The following FAM89A variants were observed in gnomAD, a reference collection of about 807,000 sequenced individuals.
FAM89A encodes the protein protein FAM89A.
A neutral mutation model predicts 7.1 loss-of-function variants in FAM89A; 10 were observed. The ratio of observed to expected loss-of-function variants is 1.40; its 90% CI spans 0.86 to 2.38. The LOEUF is 2.38. Ranked by LOEUF, FAM89A falls within the 30% of genes most tolerant of loss-of-function variation. FAM89A has a pLI of 0.00. For synonymous variants in FAM89A, 157 were observed against 129.3 expected (o/e 1.21, Z -1.45); for missense variants, 276 against 262.8 (o/e 1.05, Z -0.35).
At chr1:231,027,386 A>C (rs1679992254) in intron 1 of FAM89A, among the ~76,000 whole-genome samples, 1 of 152,214 alleles carries the variant, frequency 6.6e-6, no homozygotes, top group East Asian at 1.9e-4. Context: ...CCCCGCACAC[A>C]CCTATTACAC....
chr1:231,020,031 G>C lies in FAM89A; in HGVS notation c.387C>G (p.Ser129=). ...CCAGAGCGTAAGTGCAGTCTGGGCTGGAGGCTGCCTGGCATGCCCCCTTGT... is the reference window on the plus strand; with the variant it reads ...CCAGAGCGTAAGTGCAGTCTGGGCTCGAGGCTGCCTGGCATGCCCCCTTGT... ...QEYKGACQAA[S]SPDCTYALEN... Residue 129 remains serine, a synonymous_variant, in exon 2 of 2, where the codon TCC becomes TCG. Coordinates refer to ENST00000366654, the MANE Select transcript of FAM89A (RefSeq NM_198552.3). 3.1e-6 allele frequency: 5 copies of C among 1,614,140 alleles called. No homozygotes were observed. Among genetic ancestry groups the C allele is most frequent in the Non-Finnish European group, 4.2e-6 (5 of 1,180,036 alleles).
chr1:231,027,179 T>A lies in FAM89A; in HGVS notation c.292-7053A>T, dbSNP rs545431629. Among the ~76,000 whole-genome samples the A allele has an allele frequency of 4.6e-5, 7 of 152,140 alleles. No homozygotes were observed. In the East Asian group the frequency reaches 1.4e-3, roughly 30 times the overall value. ...TCCAGCCAGACACGTGGCTCCAGGC[T>A]TTTCTCCTGACAGTGCCATTTCCAA... On this transcript the variant is annotated intron_variant, in intron 1 of 1. Coordinates refer to ENST00000366654, the MANE Select transcript of FAM89A (RefSeq NM_198552.3).
At chr1:231,023,540 G>A (rs1232976560) in intron 1 of FAM89A, among the ~76,000 whole-genome samples, 1 of 152,216 alleles carries the variant, frequency 6.6e-6, no homozygotes, top group Non-Finnish European at 1.5e-5. Flanking sequence ...GGCCACTTCT[G>A]GCTTTGTTAG....
At position 231,022,459 on chromosome 1, in the gene FAM89A, T is replaced by C. The variant is rs753622802; in HGVS notation, c.292-2333A>G. Among the ~76,000 whole-genome samples, 3 of 152,270 alleles carry C rather than the reference T, an allele frequency of 2.0e-5. No homozygotes were observed. In the South Asian group the frequency reaches 6.2e-4, roughly 32 times the overall value. ...ACTGGGAATCGTGGTTCCAGTCTGGTTGCAGAACCTGCACATTTGCCAAGA... is the reference window on the plus strand; with the variant it reads ...ACTGGGAATCGTGGTTCCAGTCTGGCTGCAGAACCTGCACATTTGCCAAGA... On this transcript the variant is annotated intron_variant, in intron 1 of 1. Coordinates refer to ENST00000366654, the MANE Select transcript of FAM89A (RefSeq NM_198552.3).
intron 1 of FAM89A, among the ~76,000 whole-genome samples, chr1:231,032,073 C>T (rs964311190): frequency 4.6e-5 from 7 of 152,288 alleles, no homozygotes; most frequent in Admixed American, 3.9e-4. Context: ...TCAATTTGGA[C>T]TACTTTTCAT....
intron 1 of FAM89A, among the ~76,000 whole-genome samples, chr1:231,036,253 C>T (rs1347219942): frequency 6.6e-6 from 1 of 152,136 alleles, no homozygotes; most frequent in African/African-American, 2.4e-5. Context: ...CTAGTCTAAA[C>T]TAAAGCAATT....
chr1:231,027,683 C>T (rs1307118100), intron 1 of FAM89A, among the ~76,000 whole-genome samples: 1 of 152,208 alleles, frequency 6.6e-6, no homozygotes, highest in African/African-American at 2.4e-5. Flanking sequence ...GTGGAAGATC[C>T]GTAGGCAGCA....
intron 1 of FAM89A, among the ~76,000 whole-genome samples, chr1:231,036,784 G>A (rs1680162590): frequency 6.6e-6 from 1 of 152,080 alleles, no homozygotes; most frequent in African/African-American, 2.4e-5. Flanking sequence ...CTCTCTTCCA[G>A]CTTCCAGCTC....
intron 1 of FAM89A, among the ~76,000 whole-genome samples, 180 bp downstream of exon 1, chr1:231,039,741 T>G (rs1680224000): frequency 6.6e-6 from 1 of 151,900 alleles, no homozygotes; most frequent in African/African-American, 2.4e-5. Context: ...GTTCCAATCG[T>G]GGGCACGGAG....
chr1:231,033,808 C>T (rs1680113975), intron 1 of FAM89A, among the ~76,000 whole-genome samples: 1 of 152,058 alleles, frequency 6.6e-6, no homozygotes, highest in Non-Finnish European at 1.5e-5. Context: ...TACTTTTAAT[C>T]CTTTATATCT....
At chr1:231,033,204 G>A (rs1045966703) in intron 1 of FAM89A, among the ~76,000 whole-genome samples, 6 of 152,194 alleles carry the variant, frequency 3.9e-5, no homozygotes, top group African/African-American at 1.4e-4. Context: ...AAAGGCCAAG[G>A]CGGCCAGGAG....
chr1:231,038,407 C>T (rs975615823), intron 1 of FAM89A, among the ~76,000 whole-genome samples: 4 of 152,146 alleles, frequency 2.6e-5, no homozygotes, highest in Non-Finnish European at 4.4e-5. Context: ...ACAACAGGAG[C>T]GGCCCCGAGG....
intron 1 of FAM89A, among the ~76,000 whole-genome samples, chr1:231,023,638 T>G (rs1470218108): frequency 1.3e-5 from 2 of 152,244 alleles, no homozygotes; most frequent in Non-Finnish European, 2.9e-5. Context: ...GTGTCCCTCC[T>G]CTATGTGAAA....
Position 231,023,352 on chromosome 1 carries a change from T to TTCGC in FAM89A, c.292-3230_292-3227dup, listed in dbSNP as rs879022662. 1.3e-4 allele frequency among the ~76,000 whole-genome samples: 20 copies of TTCGC among 152,296 alleles called. No homozygotes were observed. In the South Asian group the frequency reaches 3.1e-3, roughly 24 times the overall value. On this transcript the variant is annotated intron_variant, in intron 1 of 1. Transcript: ENST00000366654. ...TCCACAGGTAGGTGGGAGCCTCAGG[T>TTCGC]TCGCTCAGGGGCAGCAAAGTGGCCC...
At chr1:231,037,514 T>TC (rs942670594) in intron 1 of FAM89A, among the ~76,000 whole-genome samples, 16 of 152,164 alleles carry the variant, frequency 1.1e-4, no homozygotes, top group African/African-American at 3.9e-4. Flanking sequence ...TGCTGGGGAC[T>TC]CCATCACCTC....
At chr1:231,021,788 G>C (rs1345905562) in intron 1 of FAM89A, 1 of 1,603,310 alleles carries the variant, frequency 6.2e-7, no homozygotes, top group Non-Finnish European at 8.5e-7. Context: ...TGTGGTGGTT[G>C]ATCTGACTCA....
intron 1 of FAM89A, among the ~76,000 whole-genome samples, chr1:231,029,957 G>A (rs534839186): frequency 6.6e-6 from 1 of 152,306 alleles, no homozygotes; most frequent in East Asian, 1.9e-4. Context: ...GTTGACTGAA[G>A]GATGCTGCCC....
intron 1 of FAM89A, among the ~76,000 whole-genome samples, chr1:231,030,191 C>A (rs757308709): frequency 1.8e-4 from 28 of 152,316 alleles, no homozygotes; most frequent in Non-Finnish European, 3.4e-4. Context: ...ATCTGGTCAG[C>A]TTCATCTCCT....
intron 1 of FAM89A, 87 bp downstream of exon 1, chr1:231,039,834 A>T: frequency 8.3e-7 from 1 of 1,203,306 alleles, no homozygotes; most frequent in Non-Finnish European, 1.0e-6. Context: ...GGGCGCGGGG[A>T]CTTCCGGACA....
Sources: gnomAD v4.1 joint callset for allele counts (sites outside exome capture counted in the v4.1 genomes callset) on GRCh38, gnomAD v4.1.1 for gene constraint, MANE v1.5 for transcripts, NCBI Gene and HGNC (gene_info 2026-07-23, HGNC 2026-07-21) for gene names.